Variants in LUZP2 observed in about 807,000 individuals in gnomAD.
LUZP2 encodes leucine zipper protein 2.
Under a neutral mutation model 51.6 loss-of-function variants are expected in LUZP2, and 52 were observed. The ratio of observed to expected loss-of-function variants is 1.01; its 90% confidence interval spans 0.81 to 1.27. LUZP2 has a LOEUF of 1.27. Ranked by LOEUF, LUZP2 falls within the 50% of genes most tolerant of loss-of-function variation. The probability of loss-of-function intolerance (pLI) is 0.00; values close to 1 mark genes in which losing one functional copy is unlikely to be tolerated. For missense variants in LUZP2, 436 were observed against 395.4 expected (o/e 1.10, Z -0.87); for synonymous variants, 154 against 137.3 (o/e 1.12, Z -0.85).
At chr11:24,524,068 A>C (rs1850723696) in intron 1 of LUZP2, among the ~76,000 whole-genome samples, 1 of 151,800 alleles carries the variant, frequency 6.6e-6, no homozygotes, top group Non-Finnish European at 1.5e-5. Flanking sequence ...GATATGGAAT[A>C]AGAGTCTAGT....
chr11:24,808,476 T>C (rs1018380839), intron 5 of LUZP2, among the ~76,000 whole-genome samples: 40 of 152,300 alleles, frequency 2.6e-4, no homozygotes, highest in African/African-American at 8.2e-4. Flanking sequence ...ATCTGTAGAA[T>C]TGAAGAAACA....
At chr11:24,906,121 A>G in intron 6 of LUZP2, 68 bp downstream of exon 6, 1 of 1,089,184 alleles carries the variant, frequency 9.2e-7, no homozygotes, top group Middle Eastern at 2.1e-4. Flanking sequence ...ATTTTTGTTC[A>G]ACTCAGACAT....
At chr11:24,901,295 G>A (rs1254097170) in intron 5 of LUZP2, among the ~76,000 whole-genome samples, 1 of 151,522 alleles carries the variant, frequency 6.6e-6, no homozygotes, top group African/African-American at 2.4e-5. Context: ...AAGGCACTTA[G>A]ATATTTCAAT....
intron 5 of LUZP2, among the ~76,000 whole-genome samples, chr11:24,905,013 T>G (rs1385268555): frequency 1.3e-5 from 2 of 152,084 alleles, no homozygotes; most frequent in African/African-American, 4.8e-5. Context: ...ATTTAAAAAA[T>G]GACAAATAAG....
chr11:24,913,669 TTGTGTG>T (rs35901522), intron 6 of LUZP2, among the ~76,000 whole-genome samples: 8 of 148,460 alleles, frequency 5.4e-5, no homozygotes, highest in Non-Finnish European at 7.5e-5. Flanking sequence ...ATCTATTTAT[TTGTGTG>T]TGTGTGTGTG....
At chr11:24,733,051 T>C (rs1858772994) in intron 3 of LUZP2, among the ~76,000 whole-genome samples, 1 of 151,788 alleles carries the variant, frequency 6.6e-6, no homozygotes, top group African/African-American at 2.4e-5. Flanking sequence ...CAAGATAGCA[T>C]GTGGAATAGA....
chr11:25,068,719 A>G (rs1374134), intron 10 of LUZP2, among the ~76,000 whole-genome samples: 56,066 of 151,902 alleles, frequency 0.37, 12,799 homozygotes, highest in East Asian at 0.78. Context: ...GATATTTACA[A>G]TGTAATTGTT....
At chr11:24,751,997 T>A (rs1411293666) in intron 4 of LUZP2, among the ~76,000 whole-genome samples, 1 of 151,770 alleles carries the variant, frequency 6.6e-6, no homozygotes, top group Non-Finnish European at 1.5e-5. Flanking sequence ...CACTAAACGG[T>A]GTAAGTATAA....
At chr11:24,804,550 A>G (rs1849797154) in intron 5 of LUZP2, among the ~76,000 whole-genome samples, 2 of 152,300 alleles carry the variant, frequency 1.3e-5, no homozygotes, top group Non-Finnish European at 2.9e-5. Context: ...AATAAGGATG[A>G]TCTAATGGTA....
At chr11:24,586,049 G>T (rs1853055280) in intron 1 of LUZP2, among the ~76,000 whole-genome samples, 1 of 151,884 alleles carries the variant, frequency 6.6e-6, no homozygotes, top group South Asian at 2.1e-4. Context: ...AACAGTATTA[G>T]CTCCAATCAC....
chr11:24,780,917 A>G (rs538500033), intron 5 of LUZP2, among the ~76,000 whole-genome samples: 1 of 152,284 alleles, frequency 6.6e-6, no homozygotes, highest in African/African-American at 2.4e-5. Flanking sequence ...GGCCTTGCCA[A>G]AAATCCCTTT....
chr11:24,847,580 C>T (rs1186478938), intron 5 of LUZP2, among the ~76,000 whole-genome samples: 1 of 152,114 alleles, frequency 6.6e-6, no homozygotes, highest in Non-Finnish European at 1.5e-5. Flanking sequence ...GTTGCCTGTT[C>T]ATATTGGTAT....
At chr11:24,576,748 A>T (rs894662759) in intron 1 of LUZP2, among the ~76,000 whole-genome samples, 11 of 152,098 alleles carry the variant, frequency 7.2e-5, no homozygotes, top group African/African-American at 2.7e-4. Context: ...TAGAGTGTAT[A>T]TATAAAAATA....
At chr11:24,651,613 T>C (rs974590105) in intron 1 of LUZP2, among the ~76,000 whole-genome samples, 1 of 152,122 alleles carries the variant, frequency 6.6e-6, no homozygotes, top group African/African-American at 2.4e-5. Context: ...ACCAAAGTCA[T>C]ATAGTATTTG....
intron 1 of LUZP2, among the ~76,000 whole-genome samples, chr11:24,574,592 G>A (rs1852579389): frequency 6.6e-6 from 1 of 152,036 alleles, no homozygotes; most frequent in South Asian, 2.1e-4. Context: ...ATAGAGGAGA[G>A]ATTGAACTGA....
chr11:24,959,989 C>G (rs1392181877), intron 7 of LUZP2, among the ~76,000 whole-genome samples: 1 of 152,176 alleles, frequency 6.6e-6, no homozygotes, highest in Non-Finnish European at 1.5e-5. Context: ...AAAGCCTTTT[C>G]TGCATCTATT....
intron 10 of LUZP2, among the ~76,000 whole-genome samples, chr11:25,072,527 A>C (rs1474915823): frequency 6.6e-6 from 1 of 152,146 alleles, no homozygotes; most frequent in East Asian, 1.9e-4. Flanking sequence ...GAAAAATAAA[A>C]ATACATTTGT....
At chr11:24,882,734 G>A (rs963638236) in intron 5 of LUZP2, among the ~76,000 whole-genome samples, 16 of 149,638 alleles carry the variant, frequency 1.1e-4, no homozygotes, top group African/African-American at 3.9e-4. Flanking sequence ...ATCCATCCAT[G>A]TCTTCTCATG....
chr11:24,932,611 G>C (rs1269063524), intron 7 of LUZP2, among the ~76,000 whole-genome samples: 3 of 152,118 alleles, frequency 2.0e-5, no homozygotes, highest in Non-Finnish European at 4.4e-5. Flanking sequence ...GCCTCACCCA[G>C]CTCGCACACA....
Sources: allele counts gnomAD v4.1 joint callset (sites outside exome capture counted in the v4.1 genomes callset), GRCh38; gene constraint gnomAD v4.1.1; transcripts MANE v1.5; gene names NCBI Gene and HGNC (gene_info 2026-07-23, HGNC 2026-07-21).